CTNNA2: variants seen among roughly 807,000 people sequenced by gnomAD.
CTNNA2 encodes the protein catenin alpha-2.
A neutral mutation model predicts 101.0 loss-of-function variants in CTNNA2; 42 were observed. The ratio of observed to expected loss-of-function variants is 0.42; its 90% CI spans 0.32 to 0.54. The LOEUF (loss-of-function observed/expected upper bound fraction) is 0.54, where lower values mean the gene tolerates loss of function less well. Among genes scored for constraint, CTNNA2 ranks in the 20% least tolerant of loss-of-function variants. The pLI is 0.14. For missense variants in CTNNA2, 871 were observed against 1,223.1 expected (o/e 0.71, Z 4.29); for synonymous variants, 450 against 456.4 (o/e 0.99, Z 0.18).
At chr2:79,532,389 C>A (rs1405813566) in intron 1 of CTNNA2, among the ~76,000 whole-genome samples, 1 of 152,026 alleles carries the variant, frequency 6.6e-6, no homozygotes, top group African/African-American at 2.4e-5. Context: ...TCCTTCTAGC[C>A]TATGTTCCAA....
chr2:80,643,593 G>T (rs755904969), intron 18 of CTNNA2, among the ~76,000 whole-genome samples: 6 of 152,256 alleles, frequency 3.9e-5, no homozygotes, highest in Non-Finnish European at 7.4e-5. Flanking sequence ...CTGCTGAAAA[G>T]GCCTGTCACT....
At chr2:79,432,756 G>A (rs951676424) in intron 4 of CTNNA2, among the ~76,000 whole-genome samples, 5 of 152,230 alleles carry the variant, frequency 3.3e-5, no homozygotes, top group Non-Finnish European at 7.3e-5. Flanking sequence ...AGGCATCAAA[G>A]AGAAACTTAT....
chr2:80,420,069 C>T (rs1680400217), intron 9 of CTNNA2, among the ~76,000 whole-genome samples: 1 of 143,996 alleles, frequency 6.9e-6, no homozygotes, highest in Admixed American at 7.0e-5. Context: ...AAAAACCCAC[C>T]TTCCCCAAAG....
chr2:80,254,838 T>C (rs1209699797), intron 7 of CTNNA2, among the ~76,000 whole-genome samples: 1 of 152,162 alleles, frequency 6.6e-6, no homozygotes, highest in Non-Finnish European at 1.5e-5. Context: ...AAGAAATTGA[T>C]CTGGCCAAGA....
At chr2:79,800,303 G>A (rs898724677) in intron 3 of CTNNA2, among the ~76,000 whole-genome samples, 8 of 152,052 alleles carry the variant, frequency 5.3e-5, no homozygotes, top group Non-Finnish European at 8.8e-5. Flanking sequence ...GGTGCAAAAC[G>A]CTAGCCCCTC....
chr2:79,306,867 T>C (rs1676260097), intron 2 of CTNNA2, among the ~76,000 whole-genome samples: 1 of 152,230 alleles, frequency 6.6e-6, no homozygotes, highest in African/African-American at 2.4e-5. Context: ...TTTTGATAAC[T>C]AATGAGATAA....
Position 80,044,510 on chromosome 2 carries a change from T to A in CTNNA2, c.1056+134713T>A, listed in dbSNP as rs955365075. Reference sequence around the variant, plus strand: ...ATACAGATGTTAAAAACCTCTATATTGTCTCCTGAGTACCAAATGCAGCTG... The same window carrying A: ...ATACAGATGTTAAAAACCTCTATATAGTCTCCTGAGTACCAAATGCAGCTG... On this transcript the variant is annotated intron_variant, in intron 7 of 18. Transcript: ENST00000402739. Among the ~76,000 whole-genome samples, 3 of 152,172 alleles carry A rather than the reference T, an allele frequency of 2.0e-5. No individual in the cohort carries two copies. The East Asian group carries it at 5.8e-4, about 29-fold the overall frequency.
intron 7 of CTNNA2, among the ~76,000 whole-genome samples, chr2:80,034,800 C>A (rs1341140588): frequency 6.6e-6 from 1 of 152,134 alleles, no homozygotes; most frequent in Non-Finnish European, 1.5e-5. Context: ...AATGGACATT[C>A]TCATAGAATG....
intron 2 of CTNNA2, among the ~76,000 whole-genome samples, chr2:79,269,066 G>A (rs12623960): frequency 7.2e-5 from 11 of 151,968 alleles, no homozygotes; most frequent in African/African-American, 2.2e-4. Flanking sequence ...CTATCTATGC[G>A]GTATGTTAGA....
chr2:80,159,498 C>G (rs116085333), intron 7 of CTNNA2, among the ~76,000 whole-genome samples: 1,606 of 152,248 alleles, frequency 0.011, 12 homozygotes, highest in Admixed American at 0.012. Context: ...TTCCTAATGA[C>G]TAATGATGTT....
In CTNNA2 at chr2:79,536,792, C is replaced by A. The variant is rs181622256; in HGVS notation, c.-6+23585C>A. ...GGCTCACTCACTGCAACCTCTACCC[C>A]CCGGGTTCAAGGAGTTCTCCTGCCT... On this transcript the variant is annotated intron_variant, in intron 1 of 18. Coordinates refer to ENST00000402739, the MANE Select transcript of CTNNA2 (RefSeq NM_001282597.3). Among the ~76,000 whole-genome samples the A allele has an allele frequency of 4.9e-3, 748 of 151,854 alleles. 8 individuals carry two copies. Among genetic ancestry groups the A allele is most frequent in the Non-Finnish European group, 7.9e-3 (538 of 67,968 alleles).
chr2:79,827,617 C>T (rs1678547909), intron 3 of CTNNA2, among the ~76,000 whole-genome samples: 1 of 152,162 alleles, frequency 6.6e-6, no homozygotes, highest in Non-Finnish European at 1.5e-5. Context: ...ATTGACTTTA[C>T]AGCCAGCATT....
chr2:79,886,070 A>G (rs1349036363), intron 6 of CTNNA2, among the ~76,000 whole-genome samples: 3 of 152,224 alleles, frequency 2.0e-5, no homozygotes, highest in Non-Finnish European at 4.4e-5. Context: ...GTAAACAGCT[A>G]TAGACGCTGC....
intron 9 of CTNNA2, among the ~76,000 whole-genome samples, chr2:80,492,416 C>T (rs1687135535): frequency 6.6e-6 from 1 of 152,184 alleles, no homozygotes; most frequent in African/African-American, 2.4e-5. Context: ...AGAATGGACT[C>T]ATACAGATGG....
At chr2:79,200,369 G>T (rs141961895) in intron 2 of CTNNA2, among the ~76,000 whole-genome samples, 1 of 146,836 alleles carries the variant, frequency 6.8e-6, no homozygotes, top group African/African-American at 2.6e-5. Flanking sequence ...GGGCAACAGA[G>T]AGAGACTCCG....
At chr2:79,727,119 A>T (rs1437981724) in intron 2 of CTNNA2, among the ~76,000 whole-genome samples, 1 of 152,242 alleles carries the variant, frequency 6.6e-6, no homozygotes, top group Non-Finnish European at 1.5e-5. Flanking sequence ...CTTTAATTTG[A>T]AAAATTGTTT....
At chr2:80,471,074 A>G (rs907368965) in intron 9 of CTNNA2, among the ~76,000 whole-genome samples, 1 of 152,248 alleles carries the variant, frequency 6.6e-6, no homozygotes, top group South Asian at 2.1e-4. Context: ...CAAGCAGCCC[A>G]TGATAGGGGG....
At chr2:79,909,180 C>T (rs1464925870) in intron 6 of CTNNA2, among the ~76,000 whole-genome samples, 10 of 152,188 alleles carry the variant, frequency 6.6e-5, no homozygotes, top group Admixed American at 6.5e-4. Flanking sequence ...TGTGTGTATA[C>T]AAGCCACAGC....
intron 3 of CTNNA2, among the ~76,000 whole-genome samples, chr2:79,844,262 A>G (rs1200718237): frequency 1.3e-5 from 2 of 152,232 alleles, no homozygotes; most frequent in Admixed American, 6.5e-5. Context: ...TTAATACACC[A>G]AAGAATATCC....
Sources: allele counts gnomAD v4.1 joint callset (sites outside exome capture counted in the v4.1 genomes callset), GRCh38; gene constraint gnomAD v4.1.1; transcripts MANE v1.5; gene names NCBI Gene and HGNC (gene_info 2026-07-23, HGNC 2026-07-21).